Variants in RBMS3 observed in about 807,000 individuals in gnomAD.
The protein encoded by RBMS3 is RNA-binding motif, single-stranded-interacting protein 3.
In RBMS3, 27 loss-of-function variants were observed where a neutral mutation model predicts 66.8. That is an observed-to-expected ratio of 0.40 (90% CI 0.30 to 0.56). The LOEUF is 0.56. Among genes scored for constraint, RBMS3 ranks in the 20% least tolerant of loss-of-function variants. RBMS3 has a pLI of 0.40. For missense variants in RBMS3, 513 were observed against 549.5 expected (o/e 0.93, Z 0.66); for synonymous variants, 188 against 183.0 (o/e 1.03, Z -0.22).
At chr3:29,573,647 A>G (rs1329868836) in intron 3 of RBMS3, among the ~76,000 whole-genome samples, 2 of 151,934 alleles carry the variant, frequency 1.3e-5, no homozygotes, top group African/African-American at 4.8e-5. Context: ...TTTAAGATGC[A>G]TCCTTAGGTT....
At chr3:29,679,190 T>G (rs180683135) in intron 4 of RBMS3, among the ~76,000 whole-genome samples, 4 of 152,122 alleles carry the variant, frequency 2.6e-5, no homozygotes, top group African/African-American at 9.7e-5. Context: ...GTTTTATGCA[T>G]GATAAAGTTT....
At chr3:29,496,256 T>C (rs2043749219) in intron 3 of RBMS3, among the ~76,000 whole-genome samples, 1 of 151,882 alleles carries the variant, frequency 6.6e-6, no homozygotes, top group South Asian at 2.1e-4. Flanking sequence ...TTAAATTATA[T>C]TTCTCTTTGG....
intron 1 of RBMS3, among the ~76,000 whole-genome samples, chr3:29,350,116 C>T (rs2036817935): frequency 6.7e-6 from 1 of 149,648 alleles, no homozygotes; most frequent in South Asian, 2.1e-4. Context: ...ACCGAGGTCT[C>T]ACCATTGCAC....
chr3:29,581,547 T>A (rs1333345979), intron 3 of RBMS3, among the ~76,000 whole-genome samples: 2 of 152,200 alleles, frequency 1.3e-5, no homozygotes, highest in Admixed American at 6.5e-5. Context: ...GAAGGATTTA[T>A]GGAAAGGTGA....
intron 1 of RBMS3, among the ~76,000 whole-genome samples, chr3:29,336,815 C>A (rs1319638844): frequency 1.3e-5 from 2 of 152,116 alleles, no homozygotes; most frequent in Non-Finnish European, 2.9e-5. Flanking sequence ...GCTTTGCCAT[C>A]ATGTTTTCCT....
At chr3:29,996,591 A>G in intron 14 of RBMS3, among the ~76,000 whole-genome samples, 2 of 149,816 alleles carry the variant, frequency 1.3e-5, no homozygotes. Flanking sequence ...GTGCAATCAA[A>G]CTAGAACTCA....
At chr3:29,359,249 A>T (rs1237859026) in intron 1 of RBMS3, among the ~76,000 whole-genome samples, 1 of 152,208 alleles carries the variant, frequency 6.6e-6, no homozygotes, top group African/African-American at 2.4e-5. Flanking sequence ...GAGAGGTTTT[A>T]GCATGAAGGG....
chr3:29,672,987 G>A lies in RBMS3; in HGVS notation c.400-66733G>A, dbSNP rs1002600821. On this transcript the variant is annotated intron_variant, in intron 4 of 14. Transcript: ENST00000383767. ...ATCAACAGAATATACATTCTTCTCA[G>A]CACCACATCGCACTTATTACATTCC... Among the ~76,000 whole-genome samples the A allele has an allele frequency of 2.0e-5, 3 of 151,514 alleles. No individual in the cohort carries two copies. The South Asian group carries it at 6.2e-4, about 31-fold the overall frequency.
At chr3:29,517,645 A>G (rs529383391) in intron 3 of RBMS3, among the ~76,000 whole-genome samples, 58 of 152,260 alleles carry the variant, frequency 3.8e-4, no homozygotes, top group African/African-American at 1.3e-3. Context: ...ATATTCTTGC[A>G]GAGACAGTTG....
intron 4 of RBMS3, among the ~76,000 whole-genome samples, chr3:29,624,745 C>CTT (rs890424177): frequency 1.3e-5 from 2 of 151,962 alleles, no homozygotes; most frequent in Non-Finnish European, 2.9e-5. Flanking sequence ...TAAACATATT[C>CTT]TTTGTTTCCC....
chr3:29,839,132 A>T (rs1316472972), intron 6 of RBMS3, among the ~76,000 whole-genome samples: 4 of 152,184 alleles, frequency 2.6e-5, no homozygotes, highest in Admixed American at 1.3e-4. Context: ...CTTCATCTGT[A>T]GCCATTAATT....
In RBMS3 at chr3:29,344,811, T is replaced by A. The variant is rs1243180147; in HGVS notation, c.75+63055T>A. Among the ~76,000 whole-genome samples, 4 of 152,304 alleles carry A rather than the reference T, an allele frequency of 2.6e-5. No homozygotes were observed. In the East Asian group the frequency reaches 5.8e-4, roughly 22 times the overall value. On this transcript the variant is annotated intron_variant, in intron 1 of 14. Coordinates refer to ENST00000383767, the MANE Select transcript of RBMS3 (RefSeq NM_001003793.3). Reference sequence around the variant, plus strand: ...AAAGGATTATTTAAATTTTTCAACATTTAAGCATAGAGGAAATAAATAAAA... The same window carrying A: ...AAAGGATTATTTAAATTTTTCAACAATTAAGCATAGAGGAAATAAATAAAA...
chr3:29,436,200 G>A (rs2041397808), intron 2 of RBMS3, among the ~76,000 whole-genome samples: 1 of 152,106 alleles, frequency 6.6e-6, no homozygotes, highest in South Asian at 2.1e-4. Context: ...AATATTGAAA[G>A]AGGAAAACAA....
intron 1 of RBMS3, among the ~76,000 whole-genome samples, chr3:29,402,930 G>A (rs1478837711): frequency 6.6e-6 from 1 of 151,730 alleles, no homozygotes; most frequent in Non-Finnish European, 1.5e-5. Context: ...AAAGCACAAT[G>A]ATCATATACA....
chr3:29,376,689 C>T (rs529185754), intron 1 of RBMS3, among the ~76,000 whole-genome samples: 4 of 152,242 alleles, frequency 2.6e-5, no homozygotes, highest in African/African-American at 7.2e-5. Context: ...GAGCGGATCA[C>T]GAGGTCAGGA....
intron 1 of RBMS3, among the ~76,000 whole-genome samples, chr3:29,335,248 C>T (rs1206476500): frequency 6.6e-6 from 1 of 152,080 alleles, no homozygotes; most frequent in African/African-American, 2.4e-5. Flanking sequence ...TTTACTCCTT[C>T]CTGGTTTTGA....
intron 3 of RBMS3, among the ~76,000 whole-genome samples, chr3:29,584,156 C>T (rs1201320593): frequency 6.6e-6 from 1 of 152,110 alleles, no homozygotes; most frequent in Non-Finnish European, 1.5e-5. Flanking sequence ...AGACACTGGG[C>T]ATCTTGAAGC....
At chr3:29,750,882 T>C (rs1316801300) in intron 5 of RBMS3, among the ~76,000 whole-genome samples, 3 of 152,250 alleles carry the variant, frequency 2.0e-5, no homozygotes, top group African/African-American at 7.2e-5. Flanking sequence ...AATTAAAAGA[T>C]AATTTTAGAA....
intron 4 of RBMS3, among the ~76,000 whole-genome samples, chr3:29,676,188 C>A (rs1303699205): frequency 6.6e-6 from 1 of 152,136 alleles, no homozygotes; most frequent in Non-Finnish European, 1.5e-5. Flanking sequence ...GAAAACCAAA[C>A]ACTGCATGTT....
Sources: allele counts gnomAD v4.1 joint callset (sites outside exome capture counted in the v4.1 genomes callset), GRCh38; gene constraint gnomAD v4.1.1; transcripts MANE v1.5; gene names NCBI Gene and HGNC (gene_info 2026-07-23, HGNC 2026-07-21).